OLFM3: variants seen among roughly 807,000 people sequenced by gnomAD.
OLFM3 encodes olfactomedin 3.
A neutral mutation model predicts 48.6 loss-of-function variants in OLFM3; 20 were observed. The observed-to-expected ratio is 0.41, with a 90% CI of 0.29 to 0.60. OLFM3 has a LOEUF of 0.60. Among genes scored for constraint, OLFM3 ranks in the 20% least tolerant of loss-of-function variants. The probability of loss-of-function intolerance (pLI) is 0.28; values close to 1 mark genes in which losing one functional copy is unlikely to be tolerated. For synonymous variants in OLFM3, 222 were observed against 198.1 expected, an observed-to-expected ratio of 1.12 and a Z score of -1.01; for missense variants, 437 against 544.3, an observed-to-expected ratio of 0.80 and a Z score of 1.96.
At chr1:101,832,860 T>A (rs1655230154) in intron 2 of OLFM3, among the ~76,000 whole-genome samples, 1 of 152,252 alleles carries the variant, frequency 6.6e-6, no homozygotes, top group Non-Finnish European at 1.5e-5. Context: ...TTTCAAAATA[T>A]TTAATCTAGC....
At position 101,892,193 on chromosome 1, in the gene OLFM3, C is replaced by T. The variant is rs142619546; in HGVS notation, c.70-55168G>A. Reference sequence around the variant, plus strand: ...ATTTATTTTTCCTGTTAACACTATACAGGTGTGCCAAGCAAGAGATGTATT... The same window carrying T: ...ATTTATTTTTCCTGTTAACACTATATAGGTGTGCCAAGCAAGAGATGTATT... On this transcript the variant is annotated intron_variant, in intron 1 of 5. Transcript: ENST00000370103. 7.3e-3 allele frequency among the ~76,000 whole-genome samples: 1,106 copies of T among 152,044 alleles called. 11 individuals are homozygous for T. The highest frequency in any genetic ancestry group is 0.012 in the Non-Finnish European group (802 of 67,934).
intron 1 of OLFM3, among the ~76,000 whole-genome samples, chr1:101,888,529 T>A (rs1570600590): frequency 6.6e-6 from 1 of 151,940 alleles, no homozygotes; most frequent in South Asian, 2.1e-4. Context: ...AAATATTAGA[T>A]CTAAAACCAT....
chr1:101,873,864 A>T (rs1344366866), intron 1 of OLFM3, among the ~76,000 whole-genome samples: 1 of 151,948 alleles, frequency 6.6e-6, no homozygotes, highest in Non-Finnish European at 1.5e-5. Flanking sequence ...TTGCCGGACC[A>T]ATTAAACACT....
chr1:101,976,585 T>G (rs1428796418), intron 1 of OLFM3, among the ~76,000 whole-genome samples: 1 of 152,194 alleles, frequency 6.6e-6, no homozygotes, highest in East Asian at 1.9e-4. Flanking sequence ...TGTCATGTAC[T>G]TCCCACAATA....
chr1:101,953,427 A>G (rs929041242), intron 1 of OLFM3, among the ~76,000 whole-genome samples: 14 of 152,158 alleles, frequency 9.2e-5, no homozygotes, highest in African/African-American at 3.4e-4. Flanking sequence ...TGTATAGTCC[A>G]CAAAGTCTAA....
chr1:101,861,941 G>T (rs566915876), intron 1 of OLFM3, among the ~76,000 whole-genome samples: 1 of 152,176 alleles, frequency 6.6e-6, no homozygotes, highest in Non-Finnish European at 1.5e-5. Flanking sequence ...GAAGCATGGA[G>T]CATCCAATCA....
chr1:101,903,896 C>T (rs1485955747), intron 1 of OLFM3, among the ~76,000 whole-genome samples: 1 of 151,936 alleles, frequency 6.6e-6, no homozygotes, highest in African/African-American at 2.4e-5. Context: ...TGACTGATTA[C>T]AATAAGGAAA....
At chr1:101,951,803 A>G (rs1175845390) in intron 1 of OLFM3, among the ~76,000 whole-genome samples, 1 of 152,204 alleles carries the variant, frequency 6.6e-6, no homozygotes, top group East Asian at 1.9e-4. Context: ...AGCTTGAATC[A>G]GCAAAACCAT....
chr1:101,805,115 C>A (rs1653701966), intron 5 of OLFM3, among the ~76,000 whole-genome samples, 200 bp from the exon 6 acceptor site: 1 of 151,800 alleles, frequency 6.6e-6, no homozygotes, highest in Non-Finnish European at 1.5e-5. Context: ...AAAGAAATAA[C>A]TGAATTTACT....
intron 1 of OLFM3, among the ~76,000 whole-genome samples, chr1:101,892,736 A>T (rs1233207576): frequency 6.6e-6 from 1 of 151,958 alleles, no homozygotes; most frequent in African/African-American, 2.4e-5. Flanking sequence ...CTGATGCCCA[A>T]CTCTTCTTTT....
At chr1:101,806,272 A>T (rs1367348850) in intron 4 of OLFM3, 90 bp from the exon 5 acceptor site, 23 of 908,618 alleles carry the variant, frequency 2.5e-5, no homozygotes, top group Non-Finnish European at 4.2e-5. Context: ...AGGGGATCAT[A>T]AAACTAAGCC....
chr1:101,956,103 T>TTA (rs781231551), intron 1 of OLFM3, among the ~76,000 whole-genome samples: 17 of 143,360 alleles, frequency 1.2e-4, no homozygotes, highest in Admixed American at 4.9e-4. Flanking sequence ...TTTTTTTTTT[T>TTA]AAAAAAAACC....
intron 1 of OLFM3, chr1:101,846,723 A>T: frequency 1.5e-6 from 1 of 668,854 alleles, no homozygotes; most frequent in Non-Finnish European, 2.7e-6. Context: ...CCACATAGTT[A>T]CTACATTTTT....
chr1:101,946,354 A>G (rs1378333376), intron 1 of OLFM3, among the ~76,000 whole-genome samples: 1 of 152,136 alleles, frequency 6.6e-6, no homozygotes, highest in Non-Finnish European at 1.5e-5. Context: ...CTAGAGACAA[A>G]GATATGTGAC....
intron 1 of OLFM3, among the ~76,000 whole-genome samples, chr1:101,858,166 A>C (rs1207348323): frequency 6.6e-6 from 1 of 152,120 alleles, no homozygotes; most frequent in East Asian, 1.9e-4. Flanking sequence ...ATAAAAAATA[A>C]ATTTTCTCTC....
rs1653627736 is a variant in OLFM3, at chr1:101,803,998, T to A, written c.*240A>T. On this transcript the variant is annotated 3_prime_UTR_variant, in exon 6 of 6. Coordinates refer to ENST00000370103, the MANE Select transcript of OLFM3 (RefSeq NM_058170.4). ...GACTTTAGCCACTTAAACTCTTTTT[T>A]TTTTTAGTGCTTTTCATGACAAGGA... The A allele has an allele frequency of 3.2e-6, 1 of 313,044 alleles. No individual in the cohort carries two copies. The highest frequency in any genetic ancestry group is 2.2e-5 in the African/African-American group (1 of 46,122). The allele number at this position is 313,044 out of a possible 1,614,324, so 19.4% of individuals were successfully genotyped here. A position where few individuals can be genotyped will look rare whatever the true frequency, so the allele number is the denominator to read the frequency against.
intron 2 of OLFM3, among the ~76,000 whole-genome samples, chr1:101,835,425 C>T (rs1655355625): frequency 1.3e-5 from 2 of 152,214 alleles, no homozygotes; most frequent in African/African-American, 4.8e-5. Flanking sequence ...AGAGATTCTC[C>T]TGCTTCAGCC....
intron 1 of OLFM3, among the ~76,000 whole-genome samples, chr1:101,874,657 T>C (rs546628697): frequency 4.8e-4 from 73 of 151,882 alleles, no homozygotes; most frequent in African/African-American, 1.7e-3. Flanking sequence ...AAGTAAGGAG[T>C]TTGAGGCTCA....
At chr1:101,879,273 C>T (rs1231721879) in intron 1 of OLFM3, among the ~76,000 whole-genome samples, 1 of 151,784 alleles carries the variant, frequency 6.6e-6, no homozygotes, top group Non-Finnish European at 1.5e-5. Flanking sequence ...TTTATATGTG[C>T]TACTGACTAC....
Sources: gnomAD v4.1 joint callset for allele counts (sites outside exome capture counted in the v4.1 genomes callset) on GRCh38, gnomAD v4.1.1 for gene constraint, MANE v1.5 for transcripts, NCBI Gene and HGNC (gene_info 2026-07-23, HGNC 2026-07-21) for gene names.